DAPK2: variants seen among roughly 807,000 people sequenced by gnomAD.
DAPK2 encodes the protein death-associated protein kinase 2.
DAPK2 carries 35 observed loss-of-function variants against 44.1 expected under a neutral mutation model. The observed-to-expected ratio is 0.79, with a 90% CI of 0.61 to 1.05. DAPK2 has a LOEUF of 1.05. DAPK2 is among the 50% of genes least tolerant of loss of function. The probability of loss-of-function intolerance (pLI) is 0.00; values close to 1 mark genes in which losing one functional copy is unlikely to be tolerated. For synonymous variants in DAPK2, 174 were observed against 182.6 expected, an observed-to-expected ratio of 0.95 and a Z score of 0.38; for missense variants, 453 against 483.2, an observed-to-expected ratio of 0.94 and a Z score of 0.59.
intron 4 of DAPK2, among the ~76,000 whole-genome samples, chr15:63,933,637 C>T (rs2077041892): frequency 7.3e-6 from 1 of 136,542 alleles, no homozygotes; most frequent in African/African-American, 2.8e-5. Context: ...CTTGCTTAGT[C>T]ACCCAGGCTG....
chr15:63,943,365 C>T (rs1004252516), intron 3 of DAPK2, among the ~76,000 whole-genome samples: 1 of 152,066 alleles, frequency 6.6e-6, no homozygotes, highest in South Asian at 2.1e-4. Context: ...GAGGTTGAGG[C>T]TGCAATAAGT....
chr15:63,923,455 C>T lies in DAPK2; in HGVS notation c.858+1361G>A, dbSNP rs998321536. The T allele has an allele frequency of 2.5e-5, 36 of 1,460,724 alleles. No homozygotes were observed. Among genetic ancestry groups the T allele is most frequent in the Admixed American group, 4.8e-5 (2 of 41,572 alleles). The allele number at this position is 1,460,724 out of a possible 1,614,324, so 90.5% of individuals were successfully genotyped here. On this transcript the variant is annotated intron_variant, in intron 8 of 10. Coordinates refer to ENST00000261891, the Ensembl canonical transcript of DAPK2. This position sits in a 1 kb window ranked among gnomAD's most constrained non-coding sequence, Gnocchi z 4.2. ...AGCGGCCTCTGGCATTCACTGCATGCGTCAGGCCATGGGGAGAACCAGGGT... is the reference window on the plus strand; with the variant it reads ...AGCGGCCTCTGGCATTCACTGCATGTGTCAGGCCATGGGGAGAACCAGGGT...
chr15:63,969,405 G>A (rs1378704344), intron 3 of DAPK2, among the ~76,000 whole-genome samples: 1 of 151,382 alleles, frequency 6.6e-6, no homozygotes, highest in Non-Finnish European at 1.5e-5. Flanking sequence ...GGGTGACAGA[G>A]TGAGACCCTG....
chr15:63,989,186 T>G (rs1415638263), intron 1 of DAPK2, among the ~76,000 whole-genome samples: 1 of 40,690 alleles, frequency 2.5e-5, no homozygotes. Flanking sequence ...AGACTTTGTC[T>G]CCAAAAAAAA....
intron 2 of DAPK2, among the ~76,000 whole-genome samples, chr15:63,977,610 C>A (rs182266356): frequency 1.3e-5 from 2 of 152,264 alleles, no homozygotes; most frequent in African/African-American, 4.8e-5. Context: ...GACATAAACA[C>A]CGTACATGGT....
chr15:63,961,404 T>C (rs532015814), intron 3 of DAPK2, among the ~76,000 whole-genome samples: 39 of 152,330 alleles, frequency 2.6e-4, no homozygotes, highest in Non-Finnish European at 3.7e-4. Context: ...GCTGGCTATT[T>C]TGCTCATTAG....
At chr15:63,991,463 C>A in intron 1 of DAPK2, 1 of 377,962 alleles carries the variant, frequency 2.6e-6, no homozygotes, top group Non-Finnish European at 5.2e-6. Flanking sequence ...TTGCTACTGT[C>A]TTTCTAGTTC....
intron 3 of DAPK2, among the ~76,000 whole-genome samples, chr15:63,946,445 T>C (rs1439260259): frequency 6.6e-6 from 1 of 152,256 alleles, no homozygotes; most frequent in East Asian, 1.9e-4. Context: ...AGAGGCTCAG[T>C]TTCCCATCTA....
At chr15:63,995,981 T>C (rs2078941625) in intron 1 of DAPK2, among the ~76,000 whole-genome samples, 1 of 152,264 alleles carries the variant, frequency 6.6e-6, no homozygotes, top group African/African-American at 2.4e-5. Context: ...TTTCAGATAA[T>C]GAAAATGATG....
chr15:64,015,498 G>T (rs535284702), intron 1 of DAPK2, among the ~76,000 whole-genome samples: 1 of 152,298 alleles, frequency 6.6e-6, no homozygotes, highest in East Asian at 1.9e-4. Context: ...AAGAAACAGG[G>T]GTGGGCAGTC....
At chr15:64,004,161 T>A (rs74021222) in intron 1 of DAPK2, among the ~76,000 whole-genome samples, 6,195 of 152,268 alleles carry the variant, frequency 0.041, 423 homozygotes, top group African/African-American at 0.14. Flanking sequence ...TCATTTGTCA[T>A]AAATACCAGG....
chr15:64,005,944 A>G (rs1001608887), intron 1 of DAPK2, among the ~76,000 whole-genome samples: 1 of 151,786 alleles, frequency 6.6e-6, no homozygotes, highest in African/African-American at 2.4e-5. Context: ...TGAGGTAGAA[A>G]GATCACTTGA....
rs2414842 is a variant in DAPK2 at position 63,966,250 on chromosome 15, C to T, written c.453+5173G>A. 0.08 allele frequency among the ~76,000 whole-genome samples: 12,111 copies of T among 152,250 alleles called. 658 individuals carry two copies. Among genetic ancestry groups the T allele is most frequent in the African/African-American group, 0.16 (6,579 of 41,526 alleles). ...TGAGATCTAGGGCCTGGAATGGGGGCCTCAAGACTCTGCCTTGTGCCCTTT... is the reference window on the plus strand; with the variant it reads ...TGAGATCTAGGGCCTGGAATGGGGGTCTCAAGACTCTGCCTTGTGCCCTTT... On this transcript the variant is annotated intron_variant, in intron 3 of 10. Transcript: ENST00000261891. This position sits in a 1 kb window ranked among gnomAD's most constrained non-coding sequence, Gnocchi z 5.5.
At position 63,978,023 on chromosome 15, in the gene DAPK2, C is replaced by T. The variant is rs190862330; in HGVS notation, c.314+5510G>A. ...ACAGTGGGCTTCACTATCTATCTTC[C>T]TCTCTCCCCAGCTATATTATTTTTG... On this transcript the variant is annotated intron_variant, in intron 2 of 10. Transcript: ENST00000261891. Among the ~76,000 whole-genome samples, 53 of 152,324 alleles carry T rather than the reference C, an allele frequency of 3.5e-4. 1 individual carries two copies. The highest frequency in any genetic ancestry group is 5.1e-4 in the Non-Finnish European group (35 of 68,020).
At chr15:63,951,010 A>C (rs2077571821) in intron 3 of DAPK2, among the ~76,000 whole-genome samples, 1 of 152,186 alleles carries the variant, frequency 6.6e-6, no homozygotes, top group Non-Finnish European at 1.5e-5. Context: ...GGAATATCTT[A>C]CTCAAGGATT....
chr15:63,970,931 G>T (rs1049112868), intron 3 of DAPK2, among the ~76,000 whole-genome samples: 1 of 152,184 alleles, frequency 6.6e-6, no homozygotes, highest in Non-Finnish European at 1.5e-5. Flanking sequence ...GCACAGTAGG[G>T]GTTGTGAGTT....
Position 63,917,208 on chromosome 15 carries a change from C to T in DAPK2, c.859-5011G>A, listed in dbSNP as rs762764501. 4.6e-5 allele frequency: 7 copies of T among 151,924 alleles called. 1 individual carries two copies. The highest frequency in any genetic ancestry group is 7.4e-5 in the Non-Finnish European group (5 of 67,976). The allele number at this position is 151,924 out of a possible 1,614,324, so 9.4% of individuals were successfully genotyped here. A position where few individuals can be genotyped will look rare whatever the true frequency, so the allele number is the denominator to read the frequency against. The stretch of plus-strand genomic sequence containing the variant: ...TGAAACCCCATCTCTACTAAAAATA[C>T]AAAAACTAGTTGGGTGTGGTGGTGG... On this transcript the variant is annotated intron_variant, in intron 8 of 10. Transcript: ENST00000261891. This position sits in a 1 kb window ranked among gnomAD's most constrained non-coding sequence, Gnocchi z 4.4.
chr15:64,010,980 GGT>G (rs1567272007), intron 1 of DAPK2, among the ~76,000 whole-genome samples: 1 of 152,178 alleles, frequency 6.6e-6, no homozygotes, highest in Non-Finnish European at 1.5e-5. Flanking sequence ...CTCATTCTGT[GGT>G]CTCCTGTCTG....
At chr15:64,005,170 C>A (rs11633496) in intron 1 of DAPK2, among the ~76,000 whole-genome samples, 30,601 of 151,800 alleles carry the variant, frequency 0.2, 3,177 homozygotes, top group South Asian at 0.25. Context: ...TGAGTGAACC[C>A]AATACCCATC....
Sources: gnomAD v4.1 joint callset for allele counts (sites outside exome capture counted in the v4.1 genomes callset) on GRCh38, gnomAD v4.1.1 for gene constraint, Gnocchi (gnomAD v3.1) non-coding constraint, MANE v1.5 for transcripts, NCBI Gene and HGNC (gene_info 2026-07-23, HGNC 2026-07-21) for gene names.